The following SLC4A10 variants were observed in gnomAD, a reference collection of about 807,000 sequenced individuals.
SLC4A10 encodes the protein solute carrier family 4 member 10.
Under a neutral mutation model 137.7 loss-of-function variants are expected in SLC4A10, and 42 were observed. The observed-to-expected ratio is 0.30, with a 90% CI of 0.24 to 0.39. The LOEUF (loss-of-function observed/expected upper bound fraction) is 0.39. Among genes scored for constraint, SLC4A10 ranks in the 10% least tolerant of loss-of-function variants. The pLI, the probability that SLC4A10 is intolerant of heterozygous loss-of-function variation, is 1.00. For missense variants in SLC4A10, 925 were observed against 1,355.0 expected, an observed-to-expected ratio of 0.68 and a Z score of 4.98; for synonymous variants, 474 against 464.1, an observed-to-expected ratio of 1.02 and a Z score of -0.27.
chr2:161,894,553 G>A, intron 10 of SLC4A10, 126 bp from the exon 11 acceptor site: 1 of 395,654 alleles, frequency 2.5e-6, no homozygotes, highest in Non-Finnish European at 4.1e-6. Flanking sequence ...CTTCTTTAGA[G>A]TCAGAGCTGT....
At chr2:161,867,979 G>A (rs2060864927) in intron 6 of SLC4A10, among the ~76,000 whole-genome samples, 1 of 151,878 alleles carries the variant, frequency 6.6e-6, no homozygotes, top group Non-Finnish European at 1.5e-5. Flanking sequence ...TAGGTTAATA[G>A]TAATGTACCT....
chr2:161,813,687 A>G (rs934370767), intron 3 of SLC4A10, among the ~76,000 whole-genome samples: 16 of 152,266 alleles, frequency 1.1e-4, no homozygotes, highest in South Asian at 8.3e-4. Flanking sequence ...ATCATTTTCT[A>G]GTATTTGAGA....
chr2:161,923,194 G>A (rs545700480), intron 15 of SLC4A10, among the ~76,000 whole-genome samples: 3 of 152,258 alleles, frequency 2.0e-5, no homozygotes, highest in Non-Finnish European at 4.4e-5. Flanking sequence ...ATATAAACAA[G>A]ATCGCTTAGA....
rs144633705 is a variant in SLC4A10, at chr2:161,841,234, C to T, written c.416+1307C>T. 1.6e-3 allele frequency among the ~76,000 whole-genome samples: 244 copies of T among 152,080 alleles called. 1 individual carries two copies. Among genetic ancestry groups the T allele is most frequent in the African/African-American group, 5.6e-3 (231 of 41,472 alleles). On this transcript the variant is annotated intron_variant, in intron 4 of 26. Coordinates refer to ENST00000446997, the MANE Select transcript of SLC4A10 (RefSeq NM_001178015.2). ...CTGAGACCACAGTCATCTGCCACCG[C>T]GCCCAGCTAATTTTTGTATTTTTAG...
At chr2:161,688,375 A>G (rs911108336) in intron 1 of SLC4A10, among the ~76,000 whole-genome samples, 9 of 152,292 alleles carry the variant, frequency 5.9e-5, no homozygotes, top group African/African-American at 1.7e-4. Context: ...TTTGGTGTAG[A>G]ATAATTAATA....
intron 18 of SLC4A10, 80 bp downstream of exon 18, chr2:161,949,341 G>A: frequency 1.2e-6 from 1 of 858,432 alleles, no homozygotes; most frequent in Non-Finnish European, 1.8e-6. Context: ...CTAGTACTTA[G>A]GATTTTCATG....
intron 21 of SLC4A10, among the ~76,000 whole-genome samples, chr2:161,962,772 A>G (rs1282173091): frequency 6.6e-6 from 1 of 152,182 alleles, no homozygotes; most frequent in Non-Finnish European, 1.5e-5. Context: ...AGAACACAGA[A>G]GGGAAGATAG....
intron 4 of SLC4A10, among the ~76,000 whole-genome samples, chr2:161,843,966 T>C (rs919782033): frequency 2.0e-5 from 3 of 152,156 alleles, no homozygotes; most frequent in Admixed American, 6.6e-5. Context: ...AAAAACCAGC[T>C]GGTCACTTTT....
At chr2:161,629,563 C>A (rs1465254426) in intron 1 of SLC4A10, among the ~76,000 whole-genome samples, 1 of 151,820 alleles carries the variant, frequency 6.6e-6, no homozygotes, top group Non-Finnish European at 1.5e-5. Context: ...AACATTATCA[C>A]CCAAAGTCCA....
chr2:161,766,178 C>G (rs780918731), intron 1 of SLC4A10, among the ~76,000 whole-genome samples: 1 of 152,012 alleles, frequency 6.6e-6, no homozygotes, highest in Admixed American at 6.6e-5. Flanking sequence ...ATTTTTCTTT[C>G]AAATAAACAT....
At chr2:161,942,116 G>A (rs888642664) in intron 15 of SLC4A10, among the ~76,000 whole-genome samples, 1 of 152,034 alleles carries the variant, frequency 6.6e-6, no homozygotes, top group Non-Finnish European at 1.5e-5. Flanking sequence ...ATGGCAATTC[G>A]GTTCTATAGT....
chr2:161,951,689 A>G (rs80119344), intron 19 of SLC4A10, among the ~76,000 whole-genome samples: 2,007 of 152,292 alleles, frequency 0.013, 41 homozygotes, highest in East Asian at 0.099. Flanking sequence ...TCAGAGCAAC[A>G]GAAATCATGC....
At chr2:161,728,792 C>T (rs1265192596) in intron 1 of SLC4A10, among the ~76,000 whole-genome samples, 9 of 152,070 alleles carry the variant, frequency 5.9e-5, no homozygotes, top group Non-Finnish European at 1.3e-4. Flanking sequence ...TGAACATCAA[C>T]GCAGATATCT....
intron 23 of SLC4A10, among the ~76,000 whole-genome samples, chr2:161,968,970 A>C (rs1698064456): frequency 6.6e-6 from 1 of 152,216 alleles, no homozygotes; most frequent in African/African-American, 2.4e-5. Flanking sequence ...CAGTCTTCTA[A>C]GAGATTGTGT....
intron 15 of SLC4A10, among the ~76,000 whole-genome samples, chr2:161,938,193 C>A (rs991966674): frequency 1.5e-4 from 23 of 152,102 alleles, no homozygotes; most frequent in African/African-American, 4.8e-4. Flanking sequence ...ATCGCTTGAA[C>A]CTGGGAGGCG....
chr2:161,976,015 C>T (rs886574522), intron 24 of SLC4A10, among the ~76,000 whole-genome samples: 6 of 152,160 alleles, frequency 3.9e-5, no homozygotes, highest in Non-Finnish European at 7.3e-5. Context: ...GGGAAGTGAT[C>T]TGGTTGCTAT....
At chr2:161,899,904 A>G (rs910862840) in intron 11 of SLC4A10, among the ~76,000 whole-genome samples, 1 of 152,130 alleles carries the variant, frequency 6.6e-6, no homozygotes, top group African/African-American at 2.4e-5. Flanking sequence ...ACTTTCTTAT[A>G]TTGAGCATTT....
At position 161,708,253 on chromosome 2, in the gene SLC4A10, G is replaced by A. The variant is rs1368935336; in HGVS notation, c.49-62720G>A. Among the ~76,000 whole-genome samples, 4 of 151,492 alleles carry A rather than the reference G, an allele frequency of 2.6e-5. No homozygotes were observed. In the East Asian group the frequency reaches 7.7e-4, roughly 29 times the overall value. On this transcript the variant is annotated intron_variant, in intron 1 of 26. Transcript: ENST00000446997. The stretch of plus-strand genomic sequence containing the variant: ...GAGTTTGGAGGGAAAATTCCTTTAA[G>A]AGAGTATAATTTTGCTTGGTAAGTC...
At chr2:161,737,065 C>T (rs2047421625) in intron 1 of SLC4A10, among the ~76,000 whole-genome samples, 2 of 151,766 alleles carry the variant, frequency 1.3e-5, no homozygotes, top group Admixed American at 1.3e-4. Flanking sequence ...CACCGTGTTA[C>T]CCAGGTTGGT....
Sources: allele counts gnomAD v4.1 joint callset (sites outside exome capture counted in the v4.1 genomes callset), GRCh38; gene constraint gnomAD v4.1.1; transcripts MANE v1.5; gene names NCBI Gene and HGNC (gene_info 2026-07-23, HGNC 2026-07-21).